ALKBH4: variants seen among roughly 807,000 people sequenced by gnomAD.
ALKBH4 encodes alkB homolog 4, lysine demethylase.
ALKBH4 carries 8 observed loss-of-function variants against 12.1 expected under a neutral mutation model. The ratio of observed to expected loss-of-function variants is 0.66; its 90% CI spans 0.39 to 1.19. The LOEUF (loss-of-function observed/expected upper bound fraction) is 1.19, where lower values mean the gene tolerates loss of function less well. Ranked by LOEUF, ALKBH4 falls within the 50% of genes most tolerant of loss-of-function variation. ALKBH4 has a pLI of 0.01. For synonymous variants in ALKBH4, 195 were observed against 191.6 expected (o/e 1.02, Z -0.15); for missense variants, 403 against 430.4 (o/e 0.94, Z 0.56).
At position 102,457,594 on chromosome 7, in the gene ALKBH4, G is replaced by A. The variant is rs778737084; in HGVS notation, c.709C>T (p.Pro237Ser). ...CQEVEVAIPL[P>S]ARSLLVLTGA... Reference sequence around the variant, plus strand: ...GTGAGGACCAGCAGGGAGCGGGCGGGTAAGGGGATGGCCACCTCCACCTCC... The same window carrying A: ...GTGAGGACCAGCAGGGAGCGGGCGGATAAGGGGATGGCCACCTCCACCTCC... The change falls in exon 3 of 3, where the codon CCC becomes TCC. Residue 237 changes from proline (P) to serine (S), a missense_variant. Pro to Ser is a moderately conservative substitution (Grantham distance 74). Coordinates refer to ENST00000292566, the MANE Select transcript of ALKBH4 (RefSeq NM_017621.4). This position sits in a 1 kb window ranked among gnomAD's most constrained non-coding sequence, Gnocchi z 5.9. 2.5e-6 allele frequency: 4 copies of A among 1,603,822 alleles called. No individual in the cohort carries two copies. Among genetic ancestry groups the A allele is most frequent in the Non-Finnish European group, 3.4e-6 (4 of 1,178,938 alleles).
At chr7:102,460,403 G>A (rs904177881) in intron 1 of ALKBH4, among the ~76,000 whole-genome samples, 1 of 151,616 alleles carries the variant, frequency 6.6e-6, no homozygotes, top group Non-Finnish European at 1.5e-5. Context: ...GTGCCCTCAG[G>A]AGACCCTCTG....
chr7:102,457,575 A>G lies in ALKBH4; in HGVS notation c.728T>C (p.Val243Ala). Residue 243 changes from valine (V) to alanine (A), a missense_variant, in exon 3 of 3, where the codon GTC (valine) becomes GCC (alanine). Transcript: ENST00000292566. The surrounding 1 kb of genome is among the most constrained non-coding windows in gnomAD (Gnocchi z 5.9). ...CTGGTGCCGTGCCGCCCCGGTGAGG[A>G]CCAGCAGGGAGCGGGCGGGTAAGGG... ...AIPLPARSLLVLTGAARHQWK... is the reference protein window; with the variant it reads ...AIPLPARSLLALTGAARHQWK... 1 of 1,608,846 alleles carries G rather than the reference A, an allele frequency of 6.2e-7. No homozygotes were observed. The highest frequency in any genetic ancestry group is 8.5e-7 in the Non-Finnish European group (1 of 1,179,632).
In ALKBH4 at chr7:102,464,764, T is replaced by G. The variant is rs1431240537; in HGVS notation, c.73A>C (p.Ile25Leu). The change falls in exon 1 of 3, where the codon ATC (isoleucine) becomes CTC (leucine). Residue 25 changes from isoleucine to leucine, a missense_variant. Physicochemically the swap from Ile to Leu is conservative, Grantham distance 5. Transcript: ENST00000292566. ...CGCKGIRTCLICERQRGSDPP... is the reference protein window; with the variant it reads ...CGCKGIRTCLLCERQRGSDPP... ...TCACTGCCGCGCTGCCGCTCGCAGATCAGACAGGTCCGGATGCCCTTGCAA... is the reference window on the plus strand; with the variant it reads ...TCACTGCCGCGCTGCCGCTCGCAGAGCAGACAGGTCCGGATGCCCTTGCAA... 1.3e-6 allele frequency: 2 copies of G among 1,573,506 alleles called. No homozygotes were observed. Among genetic ancestry groups the G allele is most frequent in the Non-Finnish European group, 1.7e-6 (2 of 1,163,248 alleles).
chr7:102,459,622 C>G lies in ALKBH4; in HGVS notation c.303G>C (p.Gln101His), dbSNP rs1176756893. ...GGTCTACCTGCTTCCTCCGTCCAGA[C>G]TGGGAGAGCTTCCAGGGGTCACGGT... ...LMDRDPWKLS[Q>H]SGRRKQDYGP... The change falls in exon 2 of 3, where the codon CAG (glutamine) becomes CAC (histidine). Residue 101 changes from glutamine to histidine, a missense_variant. Transcript: ENST00000292566. 1 of 1,613,924 alleles carries G rather than the reference C, an allele frequency of 6.2e-7. No homozygotes were observed. The highest frequency in any genetic ancestry group is 8.5e-7 in the Non-Finnish European group (1 of 1,179,850).
chr7:102,460,872 C>G (rs763027664), intron 1 of ALKBH4, among the ~76,000 whole-genome samples: 1 of 152,142 alleles, frequency 6.6e-6, no homozygotes, highest in Non-Finnish European at 1.5e-5. Context: ...CCTCAGTGTC[C>G]CAACCTCCCT....
rs746343038 is a variant in ALKBH4, at chr7:102,459,775, G to A, written c.150C>T (p.Ser50=). 39 of 1,608,770 alleles carry A rather than the reference G, an allele frequency of 2.4e-5. No individual in the cohort carries two copies. Among genetic ancestry groups the A allele is most frequent in the South Asian group, 6.6e-5 (6 of 90,598 alleles). The stretch of plus-strand genomic sequence containing the variant: ...CTGTGCCCACGGCCCAGCCGGTGTC[G>A]GAGCAGTAAATGAAACGGTATGTTT... The part of the protein sequence containing the change: ...PAKTYRFIYC[S]DTGWAVGTEE... The change falls in exon 2 of 3, where the codon TCC becomes TCT. Residue 50 remains serine (S), a synonymous_variant. Transcript: ENST00000292566.
Position 102,457,466 on chromosome 7 carries a change from A to G in ALKBH4, c.837T>C (p.Pro279=), listed in dbSNP as rs1311313848. Residue 279 remains proline (P), a synonymous_variant, in exon 3 of 3, where the codon CCT becomes CCC. Coordinates refer to ENST00000292566, the MANE Select transcript of ALKBH4 (RefSeq NM_017621.4). The surrounding 1 kb of genome is among the most constrained non-coding windows in gnomAD (Gnocchi z 5.9). The part of the protein sequence containing the change: ...TFRELSAEFG[P]GGRQQELGQE... ...GGCCCAGCTCTTGCTGCCTCCCTCC[A>G]GGGCCAAACTCAGCCGACAGCTCCC... 6.2e-7 allele frequency: 1 copy of G among 1,613,492 alleles called. No individual in the cohort carries two copies. The highest frequency in any genetic ancestry group is 8.5e-7 in the Non-Finnish European group (1 of 1,180,024).
intron 1 of ALKBH4, among the ~76,000 whole-genome samples, chr7:102,460,724 A>AT (rs1797775073): frequency 6.6e-6 from 1 of 152,106 alleles, no homozygotes; most frequent in Non-Finnish European, 1.5e-5. Context: ...ACTACCTTGA[A>AT]TCTGTGCACC....
chr7:102,458,675 C>T lies in ALKBH4; in HGVS notation c.322-694G>A, dbSNP rs1450342662. On this transcript the variant is annotated intron_variant, in intron 2 of 2. Transcript: ENST00000292566. ...ATCGCTAGAGCCTGGGGGGTCAAGG[C>T]TGCGGTGAGCCAATATCACATATTG... 2.0e-5 allele frequency among the ~76,000 whole-genome samples: 3 copies of T among 149,420 alleles called. No homozygotes were observed. The Admixed American group carries it at 2.0e-4, about 10-fold the overall frequency.
rs1297454488 is a variant in ALKBH4 at position 102,459,650 on chromosome 7, A to G, written c.275T>C (p.Met92Thr). 3.1e-6 allele frequency: 5 copies of G among 1,614,084 alleles called. No individual in the cohort carries two copies. Among genetic ancestry groups the G allele is most frequent in the African/African-American group, 1.3e-5 (1 of 74,940 alleles). ...GGAGAGCTTCCAGGGGTCACGGTCC[A>G]TGAGCCGCACCAACTCGGCTTCTTC... ...REEEAELVRLMDRDPWKLSQS... is the reference protein window; with the variant it reads ...REEEAELVRLTDRDPWKLSQS... The change falls in exon 2 of 3, where the codon ATG becomes ACG. Residue 92 changes from methionine (M) to threonine (T), a missense_variant. Physicochemically the swap from Met to Thr is moderately conservative, Grantham distance 81 (BLOSUM62 -1). Coordinates refer to ENST00000292566, the MANE Select transcript of ALKBH4 (RefSeq NM_017621.4).
rs531568067 is a variant in ALKBH4, at chr7:102,459,597, G to A, written c.321+7C>T. 1.1e-4 allele frequency: 173 copies of A among 1,610,612 alleles called. 3 individuals are homozygous for A. In the Middle Eastern group the frequency reaches 8.5e-3, roughly 79 times the overall value. On this transcript the variant is annotated splice_region_variant and intron_variant, in intron 2 of 2. Coordinates refer to ENST00000292566, the MANE Select transcript of ALKBH4 (RefSeq NM_017621.4). The stretch of plus-strand genomic sequence containing the variant: ...CAGCAACCCCCATGAGCTCAGGGCC[G>A]GTCTACCTGCTTCCTCCGTCCAGAC...
At chr7:102,464,669 A>G in intron 1 of ALKBH4, 45 bp downstream of exon 1, 1 of 1,485,606 alleles carries the variant, frequency 6.7e-7, no homozygotes. Flanking sequence ...GTTTCCCCAG[A>G]TGCAGAGCGA....
intron 2 of ALKBH4, chr7:102,459,316 C>A: frequency 3.0e-6 from 1 of 332,530 alleles, no homozygotes. Context: ...GGGGCGCCTG[C>A]AGCTTGGGAG....
chr7:102,463,776 A>T (rs1174241390), intron 1 of ALKBH4, among the ~76,000 whole-genome samples: 1 of 152,202 alleles, frequency 6.6e-6, no homozygotes, highest in Non-Finnish European at 1.5e-5. Context: ...ATTGCGGATC[A>T]TGGGTAATTC....
intron 1 of ALKBH4, among the ~76,000 whole-genome samples, chr7:102,462,960 T>C: frequency 7.9e-6 from 1 of 126,898 alleles, no homozygotes; most frequent in African/African-American, 2.8e-5. Context: ...ATGTCCTTTT[T>C]TTTTTTTTTT....
chr7:102,459,012 G>T (rs1021196082), intron 2 of ALKBH4, among the ~76,000 whole-genome samples: 5 of 152,074 alleles, frequency 3.3e-5, no homozygotes, highest in Non-Finnish European at 5.9e-5. Context: ...TGGGCATGGT[G>T]GTGGGCACCT....
intron 1 of ALKBH4, among the ~76,000 whole-genome samples, chr7:102,464,316 G>A (rs1201091802): frequency 6.6e-6 from 1 of 152,048 alleles, no homozygotes; most frequent in Admixed American, 6.5e-5. Context: ...GTTCCTTTTC[G>A]TTAGTTAACT....
rs1475253193 is a variant in ALKBH4, at chr7:102,464,819, G to C, written c.18C>G (p.Ala6=). The stretch of plus-strand genomic sequence containing the variant: ...ATTCCCGAAGGACTTCGGGGGTCTC[G>C]GCGGCAGCCGCCGCCATCGCGCCGT... The part of the protein sequence containing the change: MAAAA[A]ETPEVLRECG... Residue 6 remains alanine, a synonymous_variant, in exon 1 of 3, where the codon GCC becomes GCG. Transcript: ENST00000292566. The C allele has an allele frequency of 4.6e-6, 7 of 1,531,792 alleles. No individual in the cohort carries two copies. The highest frequency in any genetic ancestry group is 6.1e-6 in the Non-Finnish European group (7 of 1,144,816). The allele number at this position is 1,531,792 out of a possible 1,614,324, so 94.9% of individuals were successfully genotyped here.
chr7:102,458,054 G>GA, intron 2 of ALKBH4, 73 bp from the exon 3 acceptor site: 2 of 1,435,038 alleles, frequency 1.4e-6, no homozygotes, highest in Non-Finnish European at 1.9e-6. Context: ...TAGGTGGGAA[G>GA]AATTCAGTCA....
Sources: gnomAD v4.1 joint callset for allele counts (sites outside exome capture counted in the v4.1 genomes callset) on GRCh38, gnomAD v4.1.1 for gene constraint, Gnocchi (gnomAD v3.1) non-coding constraint, MANE v1.5 for transcripts, NCBI Gene and HGNC (gene_info 2026-07-23, HGNC 2026-07-21) for gene names.